Variants in PELI1 observed in about 807,000 individuals in gnomAD.
The protein encoded by PELI1 is E3 ubiquitin-protein ligase pellino homolog 1.
A neutral mutation model predicts 41.3 loss-of-function variants in PELI1; 15 were observed. The ratio of observed to expected loss-of-function variants is 0.36; its 90% CI spans 0.24 to 0.56. The LOEUF (loss-of-function observed/expected upper bound fraction) is 0.56. PELI1 is among the 20% of genes least tolerant of loss of function. The pLI, the probability that PELI1 is intolerant of heterozygous loss-of-function variation, is 0.82. For synonymous variants in PELI1, 178 were observed against 180.1 expected, an observed-to-expected ratio of 0.99 and a Z score of 0.09; for missense variants, 403 against 525.5, an observed-to-expected ratio of 0.77 and a Z score of 2.28.
At chr2:64,123,396 G>A (rs1279582092) in intron 1 of PELI1, among the ~76,000 whole-genome samples, 2 of 151,992 alleles carry the variant, frequency 1.3e-5, no homozygotes, top group African/African-American at 4.8e-5. Flanking sequence ...CCACATAATG[G>A]GAAAAATTAT....
At chr2:64,142,105 T>C (rs1681931374) in intron 1 of PELI1, among the ~76,000 whole-genome samples, 1 of 152,192 alleles carries the variant, frequency 6.6e-6, no homozygotes, top group Admixed American at 6.5e-5. Flanking sequence ...ACAGCACTTC[T>C]ACCATGCTAA....
chr2:64,102,791 C>T (rs1051781514), intron 3 of PELI1, among the ~76,000 whole-genome samples: 5 of 151,814 alleles, frequency 3.3e-5, no homozygotes, highest in African/African-American at 1.2e-4. Flanking sequence ...TTCATCATGA[C>T]CTCACAAATA....
intron 1 of PELI1, among the ~76,000 whole-genome samples, chr2:64,115,135 G>A (rs746878997): frequency 6.6e-6 from 1 of 152,274 alleles, no homozygotes; most frequent in African/African-American, 2.4e-5. Flanking sequence ...TAATGTTTCT[G>A]TACATTTAAA....
At chr2:64,099,286 C>G (rs1680346246) in intron 4 of PELI1, among the ~76,000 whole-genome samples, 1 of 151,992 alleles carries the variant, frequency 6.6e-6, no homozygotes, top group African/African-American at 2.4e-5. Context: ...CCACCTCAGC[C>G]CCCTGAGTAA....
In PELI1 at chr2:64,108,298, C is replaced by G; in HGVS notation, c.13G>C (p.Asp5His). The G allele has an allele frequency of 1.2e-6, 2 of 1,602,820 alleles. No individual in the cohort carries two copies. Among genetic ancestry groups the G allele is most frequent in the Non-Finnish European group, 1.7e-6 (2 of 1,169,832 alleles). MFSP[D>H]QENHPSKAPV... ...GCTTTAGATGGATGATTTTCTTGATCAGGAGAAAACATGAGCTTGGCTGTC... is the reference window on the plus strand; with the variant it reads ...GCTTTAGATGGATGATTTTCTTGATGAGGAGAAAACATGAGCTTGGCTGTC... The change falls in exon 2 of 7, where the codon GAT (aspartate) becomes CAT (histidine). Residue 5 changes from aspartate (D) to histidine (H), a missense_variant. Transcript: ENST00000358912.
intron 1 of PELI1, among the ~76,000 whole-genome samples, chr2:64,121,262 C>T (rs112136277): frequency 0.01 from 1,553 of 152,288 alleles, 22 homozygotes; most frequent in Non-Finnish European, 0.015. Flanking sequence ...AGAAGCCGGA[C>T]ATGACAAATT....
chr2:64,138,605 T>C (rs905438843), intron 1 of PELI1, among the ~76,000 whole-genome samples: 1 of 152,076 alleles, frequency 6.6e-6, no homozygotes. Context: ...CGTGTGCCTG[T>C]AATCCCAGCT....
At chr2:64,139,114 G>A (rs1227547746) in intron 1 of PELI1, among the ~76,000 whole-genome samples, 1 of 152,092 alleles carries the variant, frequency 6.6e-6, no homozygotes, top group African/African-American at 2.4e-5. Context: ...TAAATATCCA[G>A]AGTCTAAATT....
rs59589601 is a variant in PELI1, at chr2:64,140,808, CAA to C, written c.-70+3271_-70+3272del. Among the ~76,000 whole-genome samples, 6 of 110,696 alleles carry C rather than the reference CAA, an allele frequency of 5.4e-5. 1 individual carries two copies. The highest frequency in any genetic ancestry group is 2.3e-4 in the African/African-American group (6 of 26,080). The allele number at this position is 110,696 out of a possible 152,430, so 72.6% of individuals were successfully genotyped here. On this transcript the variant is annotated intron_variant, in intron 1 of 6. Transcript: ENST00000358912. ...CATGCAAAAAAAAAAAACAAACAAACAAAAAAAAACCTAGGGGCAGAACTTGA... is the reference window on the plus strand; with the variant it reads ...CATGCAAAAAAAAAAAACAAACAAACAAAAAAACCTAGGGGCAGAACTTGA...
At chr2:64,107,328 A>C (rs76772691) in intron 2 of PELI1, among the ~76,000 whole-genome samples, 6,241 of 152,336 alleles carry the variant, frequency 0.041, 143 homozygotes, top group African/African-American at 0.073. Flanking sequence ...AAGTGGAATA[A>C]ATTGAAATAA....
rs71424110 is a variant in PELI1 at position 64,110,264 on chromosome 2, A to G, written c.-69-1885T>C. 8.5e-3 allele frequency among the ~76,000 whole-genome samples: 1,293 copies of G among 151,432 alleles called. 9 individuals carry two copies. Among genetic ancestry groups the G allele is most frequent in the Non-Finnish European group, 0.012 (834 of 67,814 alleles). On this transcript the variant is annotated intron_variant, in intron 1 of 6. Transcript: ENST00000358912. ...CGTCTCAAGAAAAAAAAAAAAAAAAAAAAAGAAAAAATATCCTGGAAGCAG... is the reference window on the plus strand; with the variant it reads ...CGTCTCAAGAAAAAAAAAAAAAAAAGAAAAGAAAAAATATCCTGGAAGCAG...
chr2:64,119,821 T>A (rs1420746397), intron 1 of PELI1, among the ~76,000 whole-genome samples: 1 of 152,186 alleles, frequency 6.6e-6, no homozygotes, highest in Non-Finnish European at 1.5e-5. Context: ...ACTATGATAC[T>A]GAAGCACCTT....
intron 1 of PELI1, among the ~76,000 whole-genome samples, chr2:64,138,771 C>T (rs527256524): frequency 1.1e-4 from 16 of 152,188 alleles, no homozygotes; most frequent in African/African-American, 3.9e-4. Flanking sequence ...CTGCATCCTC[C>T]TCCGAACCTC....
chr2:64,137,092 C>A (rs1681741539), intron 1 of PELI1, among the ~76,000 whole-genome samples: 1 of 152,232 alleles, frequency 6.6e-6, no homozygotes, highest in South Asian at 2.1e-4. Context: ...AATTAGTAAT[C>A]CTACATGTAT....
chr2:64,104,046 G>A (rs745907942), intron 3 of PELI1, among the ~76,000 whole-genome samples: 175 of 152,292 alleles, frequency 1.1e-3, no homozygotes, highest in Non-Finnish European at 2.3e-3. Context: ...CCAGCTTCTG[G>A]AAATTTTGTT....
intron 1 of PELI1, among the ~76,000 whole-genome samples, chr2:64,117,223 G>A (rs1279261353): frequency 1.3e-5 from 2 of 152,104 alleles, no homozygotes; most frequent in African/African-American, 4.8e-5. Flanking sequence ...TTGATTTATG[G>A]TGATGCTGCT....
intron 1 of PELI1, among the ~76,000 whole-genome samples, chr2:64,130,912 T>C (rs1481489824): frequency 6.6e-6 from 1 of 152,194 alleles, no homozygotes; most frequent in Non-Finnish European, 1.5e-5. Context: ...TTTCATACTT[T>C]GGGTGTTAAA....
intron 2 of PELI1, among the ~76,000 whole-genome samples, chr2:64,107,866 T>G (rs138325981): frequency 6.6e-6 from 1 of 152,066 alleles, no homozygotes; most frequent in Non-Finnish European, 1.5e-5. Context: ...TTAGTAGAGA[T>G]GGGGTTTCAC....
chr2:64,096,738 A>G, intron 4 of PELI1, 128 bp from the exon 5 acceptor site: 1 of 615,896 alleles, frequency 1.6e-6, no homozygotes, highest in Non-Finnish European at 2.9e-6. Context: ...TACCATACTT[A>G]ACGCTGGGGG....
Sources: allele counts gnomAD v4.1 joint callset (sites outside exome capture counted in the v4.1 genomes callset), GRCh38; gene constraint gnomAD v4.1.1; transcripts MANE v1.5; gene names NCBI Gene and HGNC (gene_info 2026-07-23, HGNC 2026-07-21).